Variants in CDH12 observed in about 807,000 individuals in gnomAD.
The protein encoded by CDH12 is cadherin 12.
A neutral mutation model predicts 74.1 loss-of-function variants in CDH12; 41 were observed. The observed-to-expected ratio is 0.55, with a 90% CI of 0.43 to 0.72. The LOEUF (loss-of-function observed/expected upper bound fraction) is 0.72. Among genes scored for constraint, CDH12 ranks in the 30% least tolerant of loss-of-function variants. The pLI is 0.00. For missense variants in CDH12, 945 were observed against 977.2 expected (o/e 0.97, Z 0.44); for synonymous variants, 399 against 355.0 (o/e 1.12, Z -1.39).
At chr5:22,821,668 T>A (rs1352622076) in intron 1 of CDH12, among the ~76,000 whole-genome samples, 2 of 151,794 alleles carry the variant, frequency 1.3e-5, no homozygotes, top group Non-Finnish European at 2.9e-5. Flanking sequence ...GGAATCCAAC[T>A]TACAAGGGAT....
chr5:22,509,230 C>CT (rs1017068282), intron 1 of CDH12, among the ~76,000 whole-genome samples: 17 of 152,154 alleles, frequency 1.1e-4, no homozygotes. Context: ...ATAACTATTT[C>CT]TTTCCCTTCA....
At chr5:22,664,266 G>T (rs57873902) in intron 1 of CDH12, among the ~76,000 whole-genome samples, 23,889 of 152,032 alleles carry the variant, frequency 0.16, 2,764 homozygotes, top group African/African-American at 0.31. Flanking sequence ...CCCGATACTG[G>T]GTAATTTATA....
At chr5:21,883,189 C>G in intron 6 of CDH12, 2 of 1,448,962 alleles carry the variant, frequency 1.4e-6, no homozygotes, top group Non-Finnish European at 1.9e-6. Context: ...GGTGTCATCA[C>G]AGTAAAGGAT....
At chr5:21,882,870 G>A in intron 6 of CDH12, 1 of 1,595,820 alleles carries the variant, frequency 6.3e-7, no homozygotes, top group Non-Finnish European at 8.6e-7. Flanking sequence ...TAAAAACATT[G>A]GAGCTAAACT....
rs529279725 is a variant in CDH12, at chr5:22,069,991, A to C, written c.231+8455T>G. The stretch of plus-strand genomic sequence containing the variant: ...GTAATACAAAATCAGTAATGGAAAA[A>C]GGCAGTTATAAATACAAGCTATGAT... On this transcript the variant is annotated intron_variant, in intron 5 of 14. Transcript: ENST00000382254. 2.6e-5 allele frequency among the ~76,000 whole-genome samples: 4 copies of C among 152,322 alleles called. No homozygotes were observed. The South Asian group carries it at 8.3e-4, about 32-fold the overall frequency.
chr5:21,866,037 G>A (rs560952574), intron 6 of CDH12, among the ~76,000 whole-genome samples: 1 of 152,262 alleles, frequency 6.6e-6, no homozygotes, highest in African/African-American at 2.4e-5. Flanking sequence ...TTTTATGAAG[G>A]GAAACCTCTT....
intron 1 of CDH12, among the ~76,000 whole-genome samples, chr5:22,507,338 T>C (rs1005315573): frequency 3.9e-4 from 59 of 152,128 alleles, no homozygotes; most frequent in African/African-American, 1.4e-3. Flanking sequence ...ATTATACCTA[T>C]GCAAAAAATG....
At chr5:22,322,594 C>G (rs17264751) in intron 3 of CDH12, among the ~76,000 whole-genome samples, 11,927 of 152,142 alleles carry the variant, frequency 0.078, 652 homozygotes, top group South Asian at 0.16. Context: ...TACACATACA[C>G]GGAGGTTGAA....
At chr5:22,788,207 A>C (rs979601854) in intron 1 of CDH12, among the ~76,000 whole-genome samples, 12 of 152,190 alleles carry the variant, frequency 7.9e-5, no homozygotes, top group African/African-American at 1.2e-4. Context: ...GTCCTTATTT[A>C]AAAGGCTGAC....
At chr5:22,531,440 G>A (rs2161809) in intron 1 of CDH12, among the ~76,000 whole-genome samples, 24,652 of 151,984 alleles carry the variant, frequency 0.16, 2,590 homozygotes, top group East Asian at 0.37. Context: ...TTTAAATTCA[G>A]ATGTGTATTG....
At chr5:22,840,066 T>C (rs1052139370) in intron 1 of CDH12, among the ~76,000 whole-genome samples, 27 of 152,222 alleles carry the variant, frequency 1.8e-4, no homozygotes, top group African/African-American at 6.5e-4. Flanking sequence ...ACCATATTTT[T>C]CTTATTATAA....
At chr5:22,123,140 G>A (rs531663778) in intron 4 of CDH12, among the ~76,000 whole-genome samples, 4 of 152,276 alleles carry the variant, frequency 2.6e-5, no homozygotes, top group South Asian at 4.1e-4. Context: ...TTAGGAGGTG[G>A]GGCTTGTGGT....
At chr5:22,148,860 C>T (rs1480548889) in intron 4 of CDH12, among the ~76,000 whole-genome samples, 2 of 152,176 alleles carry the variant, frequency 1.3e-5, no homozygotes, top group African/African-American at 4.8e-5. Flanking sequence ...GTGGCTCATG[C>T]CTGTAATCCC....
At chr5:22,212,464 T>C (rs1307438824) in intron 4 of CDH12, 34 bp downstream of exon 4, 3 of 705,696 alleles carry the variant, frequency 4.3e-6, no homozygotes, top group Admixed American at 6.3e-5. Flanking sequence ...AGAAATTCAG[T>C]GCCATGCAGT....
In CDH12 at chr5:21,987,577, T is replaced by G. The variant is rs187953677; in HGVS notation, c.232-12192A>C. On this transcript the variant is annotated intron_variant, in intron 5 of 14. Transcript: ENST00000382254. Reference sequence around the variant, plus strand: ...CACTGAGACTTTTCATAATCTTTCCTTCATAAATAGGATCTCTTGATCAGA... The same window carrying G: ...CACTGAGACTTTTCATAATCTTTCCGTCATAAATAGGATCTCTTGATCAGA... Among the ~76,000 whole-genome samples, 606 of 152,336 alleles carry G rather than the reference T, an allele frequency of 4.0e-3. 10 individuals are homozygous for G. Among genetic ancestry groups the G allele is most frequent in the African/African-American group, 0.014 (573 of 41,584 alleles).
Position 22,283,821 on chromosome 5 carries a change from C to G in CDH12, c.-332-71178G>C, listed in dbSNP as rs145205230. Among the ~76,000 whole-genome samples the G allele has an allele frequency of 4.1e-3, 627 of 152,164 alleles. 10 individuals are homozygous for G. Among genetic ancestry groups the G allele is most frequent in the African/African-American group, 0.014 (595 of 41,558 alleles). On this transcript the variant is annotated intron_variant, in intron 3 of 14. Coordinates refer to ENST00000382254, the MANE Select transcript of CDH12 (RefSeq NM_004061.5). ...GCAAGGCGATGGATATCTTAATTAGCTTGATTTAATCATTTCACAATGTAT... is the reference window on the plus strand; with the variant it reads ...GCAAGGCGATGGATATCTTAATTAGGTTGATTTAATCATTTCACAATGTAT...
At chr5:21,758,600 C>A (rs758696956) in intron 13 of CDH12, among the ~76,000 whole-genome samples, 1 of 152,048 alleles carries the variant, frequency 6.6e-6, no homozygotes, top group Admixed American at 6.6e-5. Flanking sequence ...AGGTTACAGA[C>A]CTAATAAAGT....
chr5:22,250,094 A>AG (rs1753085216), intron 3 of CDH12, among the ~76,000 whole-genome samples: 1 of 152,140 alleles, frequency 6.6e-6, no homozygotes, highest in African/African-American at 2.4e-5. Flanking sequence ...TGGGATCTGG[A>AG]AAAGCATGGT....
intron 3 of CDH12, among the ~76,000 whole-genome samples, chr5:22,330,493 T>G (rs1580530630): frequency 6.6e-6 from 1 of 152,050 alleles, no homozygotes; most frequent in African/African-American, 2.4e-5. Context: ...TGGCTCACAC[T>G]TGTAATCCCA....
Sources: gnomAD v4.1 joint callset for allele counts (sites outside exome capture counted in the v4.1 genomes callset) on GRCh38, gnomAD v4.1.1 for gene constraint, MANE v1.5 for transcripts, NCBI Gene and HGNC (gene_info 2026-07-23, HGNC 2026-07-21) for gene names.